CABLES1: variants seen among roughly 807,000 people sequenced by gnomAD.
CABLES1 encodes Cdk5 and Abl enzyme substrate 1, also known as CDK5 and ABL1 enzyme substrate 1.
A neutral mutation model predicts 57.8 loss-of-function variants in CABLES1; 36 were observed. The observed-to-expected ratio is 0.62, with a 90% CI of 0.48 to 0.82. The LOEUF (loss-of-function observed/expected upper bound fraction) is 0.82. Ranked by LOEUF, CABLES1 falls within the 40% of genes least tolerant of loss-of-function variation. The probability of loss-of-function intolerance (pLI) is 0.00; values close to 1 mark genes in which losing one functional copy is unlikely to be tolerated. For missense variants in CABLES1, 767 were observed against 836.6 expected, an observed-to-expected ratio of 0.92 and a Z score of 1.03; for synonymous variants, 374 against 363.0, an observed-to-expected ratio of 1.03 and a Z score of -0.35.
At chr18:23,257,123 TCTC>T in intron 9 of CABLES1, 101 bp from the exon 10 acceptor site, 1 of 1,313,670 alleles carries the variant, frequency 7.6e-7, no homozygotes, top group Non-Finnish European at 1.1e-6. Flanking sequence ...AAAGTGGATT[TCTC>T]CTGAGCACTC....
At chr18:23,236,134 T>C in intron 6 of CABLES1, 83 bp downstream of exon 6, 1 of 1,457,226 alleles carries the variant, frequency 6.9e-7, no homozygotes, top group South Asian at 1.2e-5. Flanking sequence ...CTCCCTGTGA[T>C]GCAGACTGGA....
chr18:23,209,187 G>A (rs1379059894), intron 3 of CABLES1, among the ~76,000 whole-genome samples: 2 of 152,300 alleles, frequency 1.3e-5, no homozygotes, highest in East Asian at 3.9e-4. Context: ...TTTGATCTGG[G>A]ACATGAGTCA....
At position 23,136,260 on chromosome 18, in the gene CABLES1, C is replaced by G. The variant is rs920822533; in HGVS notation, c.498C>G (p.Phe166Leu). The stretch of plus-strand genomic sequence containing the variant: ...CCGGCCCCGGGGTGGCGCGGGGGTT[C>G]GCGAGTCCCCTGGGCGCCGGCCGGG... ...TVSGPGVARGFASPLGAGRAS... is the reference protein window; with the variant it reads ...TVSGPGVARGLASPLGAGRAS... Residue 166 changes from phenylalanine (F) to leucine (L), a missense_variant, in exon 1 of 10, where the codon TTC becomes TTG. Phe to Leu is a conservative substitution (Grantham distance 22). This residue lies in a region of CABLES1 where 529 missense variants were observed against 622.8 expected (regional missense o/e 0.85). Transcript: ENST00000256925. 54 of 1,329,410 alleles carry G rather than the reference C, an allele frequency of 4.1e-5. No homozygotes were observed. In the African/African-American group the frequency reaches 6.7e-4, roughly 16 times the overall value. 82.4% of individuals were successfully genotyped at this position (1,329,410 alleles called of 1,614,324 possible).
chr18:23,216,439 G>T (rs1484311666), intron 4 of CABLES1, among the ~76,000 whole-genome samples: 1 of 152,192 alleles, frequency 6.6e-6, no homozygotes, highest in African/African-American at 2.4e-5. Flanking sequence ...GCCTCCCAGA[G>T]GTTAACTGTA....
chr18:23,253,961 T>C (rs765717269), intron 9 of CABLES1, 25 bp downstream of exon 9: 8 of 1,602,854 alleles, frequency 5.0e-6, no homozygotes, highest in Non-Finnish European at 6.8e-6. Context: ...TCCTGGTGGC[T>C]GGAGGAGCAC....
At chr18:23,226,730 AG>A (rs1207620638) in intron 4 of CABLES1, among the ~76,000 whole-genome samples, 1 of 152,194 alleles carries the variant, frequency 6.6e-6, no homozygotes, top group African/African-American at 2.4e-5. Context: ...CCTATGCATA[AG>A]GGAACCGACA....
intron 1 of CABLES1, among the ~76,000 whole-genome samples, chr18:23,140,820 G>A (rs2046853634): frequency 6.6e-6 from 1 of 152,180 alleles, no homozygotes; most frequent in African/African-American, 2.4e-5. Flanking sequence ...TTTGTGGTAC[G>A]GAAGAGCCTT....
At chr18:23,253,549 A>C (rs2048091229) in intron 8 of CABLES1, among the ~76,000 whole-genome samples, 180 bp from the exon 9 acceptor site, 1 of 152,254 alleles carries the variant, frequency 6.6e-6, no homozygotes, top group Non-Finnish European at 1.5e-5. Flanking sequence ...GCCAAAGCCC[A>C]GCTATGTAAA....
intron 5 of CABLES1, 67 bp downstream of exon 5, chr18:23,234,771 G>C (rs1036568623): frequency 2.5e-5 from 32 of 1,298,004 alleles, no homozygotes; most frequent in Non-Finnish European, 2.9e-5. Context: ...GCAGAGGAGG[G>C]GGGCAGCCCA....
chr18:23,165,964 A>C (rs2047039528), intron 1 of CABLES1, among the ~76,000 whole-genome samples: 1 of 152,306 alleles, frequency 6.6e-6, no homozygotes, highest in African/African-American at 2.4e-5. Context: ...TCCCATTTCA[A>C]GGGAAATGAG....
chr18:23,194,105 T>C (rs1270844179), intron 2 of CABLES1, among the ~76,000 whole-genome samples: 1 of 152,226 alleles, frequency 6.6e-6, no homozygotes, highest in Non-Finnish European at 1.5e-5. Flanking sequence ...TTCCCCTTCG[T>C]TGATACAGCA....
At chr18:23,167,900 C>T (rs979695415) in intron 1 of CABLES1, among the ~76,000 whole-genome samples, 5 of 152,332 alleles carry the variant, frequency 3.3e-5, no homozygotes, top group Non-Finnish European at 5.9e-5. Context: ...TGCAGGCGCT[C>T]GCGCCCTTCG....
At chr18:23,217,229 G>A (rs749946714) in intron 4 of CABLES1, among the ~76,000 whole-genome samples, 19 of 151,902 alleles carry the variant, frequency 1.3e-4, no homozygotes, top group Non-Finnish European at 2.2e-4. Context: ...CTACAGTCGC[G>A]CGCCACCACA....
At chr18:23,198,773 C>T (rs2047302947) in intron 3 of CABLES1, among the ~76,000 whole-genome samples, 1 of 152,252 alleles carries the variant, frequency 6.6e-6, no homozygotes, top group South Asian at 2.1e-4. Flanking sequence ...CCAATTCTCC[C>T]TACAGCCTCC....
At chr18:23,199,214 T>G (rs1461564638) in intron 3 of CABLES1, among the ~76,000 whole-genome samples, 1 of 152,206 alleles carries the variant, frequency 6.6e-6, no homozygotes, top group East Asian at 1.9e-4. Context: ...AAAATAAAGT[T>G]GGAACTGTCA....
chr18:23,248,492 A>G (rs982861072), intron 7 of CABLES1, among the ~76,000 whole-genome samples: 1 of 146,824 alleles, frequency 6.8e-6, no homozygotes, highest in Non-Finnish European at 1.5e-5. Flanking sequence ...CCCACCTGGC[A>G]ATGTAGCAAG....
At chr18:23,236,231 T>C (rs1268691876) in intron 6 of CABLES1, among the ~76,000 whole-genome samples, 180 bp downstream of exon 6, 2 of 152,170 alleles carry the variant, frequency 1.3e-5, no homozygotes, top group African/African-American at 4.8e-5. Context: ...GTGATTTCTC[T>C]CTAATCAGAT....
chr18:23,240,884 C>T (rs762399810), intron 7 of CABLES1, among the ~76,000 whole-genome samples: 5 of 152,086 alleles, frequency 3.3e-5, no homozygotes, highest in Non-Finnish European at 7.3e-5. Context: ...TCCTTTCACC[C>T]ATCAAATCCT....
At chr18:23,194,578 G>A (rs1232763515) in intron 3 of CABLES1, 38 bp downstream of exon 3, 1 of 1,376,732 alleles carries the variant, frequency 7.3e-7, no homozygotes, top group Admixed American at 1.7e-5. Context: ...CAGCACCAGT[G>A]GGTGGAGACA....
Sources: gnomAD v4.1 joint callset for allele counts (sites outside exome capture counted in the v4.1 genomes callset) on GRCh38, gnomAD v4.1.1 for gene constraint, gnomAD v4.1.1 regional missense constraint, MANE v1.5 for transcripts, NCBI Gene and HGNC (gene_info 2026-07-23, HGNC 2026-07-21) for gene names.